The following COL12A1 variants were observed in gnomAD, a reference collection of about 807,000 sequenced individuals.
COL12A1 encodes the protein collagen alpha-1(XII) chain.
A neutral mutation model predicts 349.7 loss-of-function variants in COL12A1; 114 were observed. That is an observed-to-expected ratio of 0.33 (90% confidence interval 0.28 to 0.38). The LOEUF is 0.38. Ranked by LOEUF, COL12A1 falls within the 10% of genes least tolerant of loss-of-function variation. The pLI, the probability that COL12A1 is intolerant of heterozygous loss-of-function variation, is 1.00. For synonymous variants in COL12A1, 1,369 were observed against 1,329.0 expected, an observed-to-expected ratio of 1.03 and a Z score of -0.66; for missense variants, 3,284 against 3,756.9, an observed-to-expected ratio of 0.87 and a Z score of 3.29.
At chr6:75,132,937 T>C (rs1270324134) in intron 34 of COL12A1, among the ~76,000 whole-genome samples, 2 of 152,170 alleles carry the variant, frequency 1.3e-5, no homozygotes, top group African/African-American at 4.8e-5. Flanking sequence ...GCCGAACAGA[T>C]TTCAACAATT....
At chr6:75,185,356 A>C (rs1769557327) in intron 8 of COL12A1, among the ~76,000 whole-genome samples, 1 of 152,204 alleles carries the variant, frequency 6.6e-6, no homozygotes, top group South Asian at 2.1e-4. Flanking sequence ...TCAGGAACGA[A>C]ATCCCATTCA....
rs1204395797 is a variant in COL12A1 at position 75,180,805 on chromosome 6, CT to C, written c.2164+133del. The C allele has an allele frequency of 8.3e-6, 9 of 1,090,746 alleles. No individual in the cohort carries two copies. In the East Asian group the frequency reaches 2.2e-4, roughly 27 times the overall value. 67.6% of individuals were successfully genotyped at this position (1,090,746 alleles called of 1,614,324 possible). ...TTTAAAAAGATTTATGAAAAGCTGT[CT>C]TTTAAAGATGCCAAATCTTACAAAG... On this transcript the variant is annotated intron_variant, in intron 11 of 65. Coordinates refer to ENST00000322507, the MANE Select transcript of COL12A1 (RefSeq NM_004370.6).
At chr6:75,186,245 T>C (rs1323709591) in intron 8 of COL12A1, among the ~76,000 whole-genome samples, 1 of 152,176 alleles carries the variant, frequency 6.6e-6, no homozygotes, top group East Asian at 1.9e-4. Context: ...ATCCAGCATC[T>C]ATAAGGAACA....
At chr6:75,134,995 A>T (rs1766513810) in intron 31 of COL12A1, 140 bp from the exon 32 acceptor site, 1 of 748,660 alleles carries the variant, frequency 1.3e-6, no homozygotes, top group African/African-American at 1.8e-5. Flanking sequence ...AAGGTTTAAC[A>T]TACACCTTGT....
At chr6:75,172,571 T>C (rs1157702217) in intron 13 of COL12A1, among the ~76,000 whole-genome samples, 3 of 152,182 alleles carry the variant, frequency 2.0e-5, no homozygotes, top group Non-Finnish European at 4.4e-5. Context: ...TGCTAAAAGA[T>C]TGTGGAAAGC....
rs772151427 is a variant in COL12A1, at chr6:75,152,005, G to T, written c.3862C>A (p.Gln1288Lys). 5 of 1,613,726 alleles carry T rather than the reference G, an allele frequency of 3.1e-6. No homozygotes were observed. The highest frequency in any genetic ancestry group is 3.4e-6 in the Non-Finnish European group (4 of 1,179,828). The change falls in exon 20 of 66, where the codon CAG (glutamine) becomes AAG (lysine). Residue 1288 changes from glutamine to lysine, a missense_variant. Transcript: ENST00000322507. ...TGMALNFIRQ[Q>K]NFRTQAGMRP... ...ATGCCAGCTTGGGTCCTGAAGTTCT[G>T]TTGGCGAATGAAATTCAAAGCCATG...
intron 21 of COL12A1, among the ~76,000 whole-genome samples, chr6:75,148,928 T>G (rs980080627): frequency 5.3e-5 from 8 of 152,166 alleles, no homozygotes; most frequent in African/African-American, 1.9e-4. Flanking sequence ...CCCATACTAC[T>G]CTAGTGGTAG....
At chr6:75,128,125 C>T (rs1766108389) in intron 38 of COL12A1, among the ~76,000 whole-genome samples, 171 bp downstream of exon 38, 1 of 152,104 alleles carries the variant, frequency 6.6e-6, no homozygotes, top group African/African-American at 2.4e-5. Flanking sequence ...ATTCCTTTCA[C>T]ATGTCATCAT....
In COL12A1 at chr6:75,085,637, G is replaced by T. The variant is rs944013605; in HGVS notation, c.*910C>A. 3.8e-6 allele frequency: 1 copy of T among 260,502 alleles called. No homozygotes were observed. The highest frequency in any genetic ancestry group is 2.2e-5 in the African/African-American group (1 of 44,826). The allele number at this position is 260,502 out of a possible 1,614,324, so 16.1% of individuals were successfully genotyped here. On this transcript the variant is annotated 3_prime_UTR_variant, in exon 66 of 66. Transcript: ENST00000322507. ...GGGAAGGGTCAGAGACTGGGCCAAA[G>T]AACTGTAAACGCAGTAACTAAGTAG...
chr6:75,199,449 A>G (rs1770410450), intron 2 of COL12A1, among the ~76,000 whole-genome samples: 1 of 152,226 alleles, frequency 6.6e-6, no homozygotes. Context: ...CGATGAATTG[A>G]TAATATTCAA....
At chr6:75,190,034 T>A (rs1279841035) in intron 5 of COL12A1, among the ~76,000 whole-genome samples, 2 of 152,014 alleles carry the variant, frequency 1.3e-5, no homozygotes, top group East Asian at 3.8e-4. Context: ...TGGAACTAGA[T>A]GTCTTTAAAT....
rs548214942 is a variant in COL12A1, at chr6:75,085,256, A to G, written c.*1291T>C. ...GGTGGGGCTCAGGAGGCTCCTCTGCAGGCTCGTCTGCGCCGTAGTCCTCGT... is the reference window on the plus strand; with the variant it reads ...GGTGGGGCTCAGGAGGCTCCTCTGCGGGCTCGTCTGCGCCGTAGTCCTCGT... On this transcript the variant is annotated 3_prime_UTR_variant, in exon 66 of 66. Coordinates refer to ENST00000322507, the MANE Select transcript of COL12A1 (RefSeq NM_004370.6). The G allele has an allele frequency of 2.1e-6, 1 of 470,908 alleles. No individual in the cohort carries two copies. The highest frequency in any genetic ancestry group is 7.0e-5 in the East Asian group (1 of 14,374). 29.2% of individuals were successfully genotyped at this position (470,908 alleles called of 1,614,324 possible). A position where few individuals can be genotyped will look rare whatever the true frequency, so the allele number is the denominator to read the frequency against.
intron 13 of COL12A1, among the ~76,000 whole-genome samples, chr6:75,167,803 T>A (rs939322886): frequency 1.3e-5 from 2 of 152,196 alleles, no homozygotes; most frequent in African/African-American, 4.8e-5. Context: ...TCAAGACTTG[T>A]AAAGCTAGAA....
intron 8 of COL12A1, 145 bp downstream of exon 8, chr6:75,188,217 T>C (rs1582206216): frequency 1.3e-6 from 1 of 792,786 alleles, no homozygotes; most frequent in East Asian, 3.0e-5. Flanking sequence ...ACAAGTTGAG[T>C]TGCTAAAAAA....
intron 16 of COL12A1, among the ~76,000 whole-genome samples, chr6:75,155,438 C>CA (rs1320275780): frequency 1.3e-5 from 2 of 152,158 alleles, no homozygotes; most frequent in East Asian, 1.9e-4. Flanking sequence ...TTAAACATTA[C>CA]AAAAAAATCC....
At chr6:75,130,298 G>C in intron 36 of COL12A1, 65 bp from the exon 37 acceptor site, 6 of 1,527,736 alleles carry the variant, frequency 3.9e-6, no homozygotes, top group Middle Eastern at 4.1e-4. Context: ...TCAGATTAAG[G>C]AGGTTGCTTG....
chr6:75,133,304 G>A lies in COL12A1; in HGVS notation c.5783C>T (p.Thr1928Ile), dbSNP rs748862471. 1 of 1,591,352 alleles carries A rather than the reference G, an allele frequency of 6.3e-7. No individual in the cohort carries two copies. Among genetic ancestry groups the A allele is most frequent in the Admixed American group, 1.8e-5 (1 of 56,612 alleles). The change falls in exon 34 of 66, where the codon ACT (threonine) becomes ATT (isoleucine). Residue 1928 changes from threonine (T) to isoleucine (I), a missense_variant. Physicochemically the swap from Thr to Ile is moderately conservative, Grantham distance 89 (BLOSUM62 -1). Coordinates refer to ENST00000322507, the MANE Select transcript of COL12A1 (RefSeq NM_004370.6). ...GCTTTATTACTTACATGTCCTTCCA[G>A]TATCTGATGTGCGTCCCCCATCACC... ...TEGDGGRTSD[T>I]GRTLMRGLAR...
In COL12A1 at chr6:75,191,917, C is replaced by G. The variant is rs148142826; in HGVS notation, c.335-157G>C. The stretch of plus-strand genomic sequence containing the variant: ...ATACTGCCAAATAATCATTCCCTTA[C>G]AAGTAAGTTATTTTAGTGATATTTT... On this transcript the variant is annotated intron_variant, in intron 4 of 65. Transcript: ENST00000322507. Among the ~76,000 whole-genome samples, 1,859 of 152,030 alleles carry G rather than the reference C, an allele frequency of 0.012. 38 individuals carry two copies. Among genetic ancestry groups the G allele is most frequent in the African/African-American group, 0.043 (1,775 of 41,516 alleles).
rs770994503 is a variant in COL12A1 at position 75,156,218 on chromosome 6, A to G, written c.3250+39T>C. On this transcript the variant is annotated intron_variant, in intron 15 of 65. Coordinates refer to ENST00000322507, the MANE Select transcript of COL12A1 (RefSeq NM_004370.6). ...TACCAAAGTCATCTTTTAAAACATT[A>G]CCTTCTCTCCCCCTCAAAATATAAT... 2.8e-5 allele frequency: 44 copies of G among 1,552,000 alleles called. No homozygotes were observed. In the East Asian group the frequency reaches 5.4e-4, roughly 19 times the overall value.
Sources: gnomAD v4.1 joint callset for allele counts (sites outside exome capture counted in the v4.1 genomes callset) on GRCh38, gnomAD v4.1.1 for gene constraint, MANE v1.5 for transcripts, NCBI Gene and HGNC (gene_info 2026-07-23, HGNC 2026-07-21) for gene names.